RPL35: variants seen among roughly 807,000 people sequenced by gnomAD.
RPL35 encodes the protein large ribosomal subunit protein uL29.
In RPL35, 2 loss-of-function variants were observed where a neutral mutation model predicts 15.6. The ratio of observed to expected loss-of-function variants is 0.13; its 90% CI spans 0.05 to 0.40. The LOEUF (loss-of-function observed/expected upper bound fraction) is 0.40. Among genes scored for constraint, RPL35 ranks in the 10% least tolerant of loss-of-function variants. RPL35 has a pLI of 0.99. For missense variants in RPL35, 111 were observed against 164.7 expected (o/e 0.67, Z 1.79); for synonymous variants, 93 against 67.9 (o/e 1.37, Z -1.82).
At chr9:124,859,533 G>T (rs752896484) in intron 3 of RPL35, among the ~76,000 whole-genome samples, 25 of 152,166 alleles carry the variant, frequency 1.6e-4, no homozygotes, top group Non-Finnish European at 3.1e-4. Flanking sequence ...TGAGCCCTGA[G>T]TCCCAGCCAG....
At position 124,861,939 on chromosome 9, in the gene RPL35, C is replaced by G; in HGVS notation, c.-27G>C. The G allele has an allele frequency of 6.3e-7, 1 of 1,598,542 alleles. No individual in the cohort carries two copies. The highest frequency in any genetic ancestry group is 8.5e-7 in the Non-Finnish European group (1 of 1,173,418). On this transcript the variant is annotated 5_prime_UTR_variant, in exon 1 of 4. Coordinates refer to ENST00000348462, the MANE Select transcript of RPL35 (RefSeq NM_007209.4). ...GCTGCACAAGCCGCCAACGCCGCCG[C>G]CCGCTCCGAGGGAAAGAGGAAGTAG...
Position 124,857,944 on chromosome 9 carries a change from G to A in RPL35, c.346C>T (p.Leu116=), listed in dbSNP as rs750021879. Reference sequence around the variant, plus strand: ...CAGGCCTTGACCGCGTACTTCCGCAGCGGGTACAGCCGCTCCTTCCGCTGC... The same window carrying A: ...CAGGCCTTGACCGCGTACTTCCGCAACGGGTACAGCCGCTCCTTCCGCTGC... The part of the protein sequence containing the change: ...KQQRKERLYP[L]RKYAVKA The change falls in exon 4 of 4, where the codon CTG becomes TTG. Residue 116 remains leucine (L), a synonymous_variant. Transcript: ENST00000348462. 2.7e-5 allele frequency: 44 copies of A among 1,612,110 alleles called. No homozygotes were observed. The highest frequency in any genetic ancestry group is 3.6e-5 in the Non-Finnish European group (43 of 1,180,048).
intron 1 of RPL35, 35 bp downstream of exon 1, chr9:124,861,875 A>G: frequency 1.0e-5 from 16 of 1,601,430 alleles, no homozygotes; most frequent in Non-Finnish European, 1.4e-5. Flanking sequence ...CGCGCCTCAC[A>G]GCGCTCGGAT....
rs1829174956 is a variant in RPL35 at position 124,860,170 on chromosome 9, C to G, written c.222+13G>C. ...TCCTGCAGCCAACCCTCCCTATGTC[C>G]AGGCAGACTCACCTTGTAGAATTTC... On this transcript the variant is annotated intron_variant, in intron 3 of 3. Transcript: ENST00000348462. 6 of 1,604,618 alleles carry G rather than the reference C, an allele frequency of 3.7e-6. No homozygotes were observed. Among genetic ancestry groups the G allele is most frequent in the Non-Finnish European group, 5.1e-6 (6 of 1,171,420 alleles).
intron 1 of RPL35, 129 bp downstream of exon 1, chr9:124,861,781 G>A: frequency 2.2e-6 from 3 of 1,388,876 alleles, no homozygotes; most frequent in Admixed American, 2.4e-5. Context: ...TTGTGGTGGC[G>A]CCAGACCATT....
rs960968505 is a variant in RPL35, at chr9:124,860,113, T to C, written c.222+70A>G. ...CGCACCAAGAAAAACCTCTTTACCA[T>C]GTCCCCGGCCAGGGACGGCTAGCAC... On this transcript the variant is annotated intron_variant, in intron 3 of 3. Coordinates refer to ENST00000348462, the MANE Select transcript of RPL35 (RefSeq NM_007209.4). 17 of 1,156,200 alleles carry C rather than the reference T, an allele frequency of 1.5e-5. 1 individual carries two copies. In the Admixed American group the frequency reaches 2.9e-4, roughly 20 times the overall value. 71.6% of individuals were successfully genotyped at this position (1,156,200 alleles called of 1,614,324 possible).
chr9:124,861,357 G>T (rs1014320579), intron 2 of RPL35, 62 bp downstream of exon 2: 39 of 1,561,060 alleles, frequency 2.5e-5, no homozygotes, highest in Non-Finnish European at 2.9e-5. Flanking sequence ...GAAATCCTCC[G>T]ACGATCCCGA....
intron 3 of RPL35, among the ~76,000 whole-genome samples, chr9:124,859,666 G>T (rs1206644083): frequency 6.6e-6 from 1 of 152,136 alleles, no homozygotes. Flanking sequence ...ACCAGAAAAT[G>T]GTTATCAAAA....
intron 2 of RPL35, 49 bp downstream of exon 2, chr9:124,861,370 C>A: frequency 6.3e-7 from 1 of 1,576,176 alleles, no homozygotes; most frequent in Admixed American, 1.8e-5. Flanking sequence ...GATCCCGATG[C>A]ACACGTGCTC....
chr9:124,861,677 G>C, intron 1 of RPL35, 122 bp from the exon 2 acceptor site: 1 of 1,460,564 alleles, frequency 6.8e-7, no homozygotes, highest in Non-Finnish European at 9.3e-7. Context: ...GCCCCAACCA[G>C]GGCTCAGGAC....
intron 3 of RPL35, chr9:124,858,451 C>G: frequency 1.4e-6 from 1 of 715,818 alleles, no homozygotes; most frequent in Non-Finnish European, 2.6e-6. Flanking sequence ...GGGGTAGTTA[C>G]CATTACCTCG....
intron 2 of RPL35, among the ~76,000 whole-genome samples, chr9:124,860,793 C>G (rs1829184471): frequency 6.6e-6 from 1 of 152,142 alleles, no homozygotes; most frequent in African/African-American, 2.4e-5. Flanking sequence ...CTTGTCCAAT[C>G]CTCCCACCCC....
Position 124,860,228 on chromosome 9 carries a change from T to G in RPL35, c.177A>C (p.Thr59=). The change falls in exon 3 of 4, where the codon ACA becomes ACC. Residue 59 remains threonine, a synonymous_variant. Transcript: ENST00000348462. ...VVRKSIARVL[T]VINQTQKENL... ...TTTCTTTCTGAGTCTGGTTAATAAC[T>G]GTGAGAACACGGGCAATGGATTTCC... 6.2e-7 allele frequency: 1 copy of G among 1,614,128 alleles called. No individual in the cohort carries two copies. The highest frequency in any genetic ancestry group is 8.5e-7 in the Non-Finnish European group (1 of 1,179,956).
In RPL35 at chr9:124,861,658, T is replaced by C. The variant is rs1189263166; in HGVS notation, c.4-103A>G. 3.3e-6 allele frequency: 5 copies of C among 1,509,138 alleles called. No individual in the cohort carries two copies. In the East Asian group the frequency reaches 6.8e-5, roughly 21 times the overall value. 93.5% of individuals were successfully genotyped at this position (1,509,138 alleles called of 1,614,324 possible). A position where few individuals can be genotyped will look rare whatever the true frequency, so the allele number is the denominator to read the frequency against. On this transcript the variant is annotated intron_variant, in intron 1 of 3. Coordinates refer to ENST00000348462, the MANE Select transcript of RPL35 (RefSeq NM_007209.4). The stretch of plus-strand genomic sequence containing the variant: ...CGCGCGACTCGCCATCGACTACGAG[T>C]GCGCCGGAGCCCCAACCAGGGCTCA...
Position 124,861,922 on chromosome 9 carries a change from A to C in RPL35, c.-10T>G. The stretch of plus-strand genomic sequence containing the variant: ...CCGCAGCTCTCACCATTGCTGCACA[A>C]GCCGCCAACGCCGCCGCCCGCTCCG... On this transcript the variant is annotated 5_prime_UTR_variant, in exon 1 of 4. Transcript: ENST00000348462. 6.2e-7 allele frequency: 1 copy of C among 1,600,502 alleles called. No individual in the cohort carries two copies. The highest frequency in any genetic ancestry group is 8.5e-7 in the Non-Finnish European group (1 of 1,174,486).
intron 2 of RPL35, 29 bp downstream of exon 2, chr9:124,861,390 G>A (rs1440250898): frequency 6.3e-7 from 1 of 1,598,394 alleles, no homozygotes; most frequent in Non-Finnish European, 8.5e-7. Context: ...CCCCACCCAC[G>A]AGGGCTGTGA....
Position 124,860,234 on chromosome 9 carries a change from A to G in RPL35, c.171T>C (p.Val57=), listed in dbSNP as rs1166858890. The change falls in exon 3 of 4, where the codon GTT becomes GTC. Residue 57 remains valine (V), a synonymous_variant. Transcript: ENST00000348462. ...IRVVRKSIAR[V]LTVINQTQKE... ...TCTGAGTCTGGTTAATAACTGTGAG[A>G]ACACGGGCAATGGATTTCCGGACGA... 1 of 1,614,164 alleles carries G rather than the reference A, an allele frequency of 6.2e-7. No homozygotes were observed. The highest frequency in any genetic ancestry group is 1.1e-5 in the South Asian group (1 of 91,082).
At position 124,861,536 on chromosome 9, in the gene RPL35, T is replaced by A; in HGVS notation, c.23A>T (p.Asp8Val). The A allele has an allele frequency of 6.2e-7, 1 of 1,613,928 alleles. No homozygotes were observed. The highest frequency in any genetic ancestry group is 8.5e-7 in the Non-Finnish European group (1 of 1,180,008). MAKIKAR[D>V]LRGKKKEELL... The stretch of plus-strand genomic sequence containing the variant: ...CTCCTCCTTCTTCTTCCCGCGAAGA[T>A]CTCGAGCCTTGATCTTGGCCTGCGC... The change falls in exon 2 of 4, where the codon GAT (aspartate) becomes GTT (valine). Residue 8 changes from aspartate to valine, a missense_variant. Transcript: ENST00000348462.
At chr9:124,860,666 G>A (rs572976934) in intron 2 of RPL35, among the ~76,000 whole-genome samples, 47 of 152,314 alleles carry the variant, frequency 3.1e-4, no homozygotes, top group Middle Eastern at 3.4e-3. Flanking sequence ...CTACAAGCCA[G>A]GAGACTGAAG....
Sources: allele counts gnomAD v4.1 joint callset (sites outside exome capture counted in the v4.1 genomes callset), GRCh38; gene constraint gnomAD v4.1.1; transcripts MANE v1.5; gene names NCBI Gene and HGNC (gene_info 2026-07-23, HGNC 2026-07-21).